Variants in MYO10 observed in about 807,000 individuals in gnomAD.
MYO10 encodes the protein unconventional myosin-X.
In MYO10, 133 loss-of-function variants were observed where a neutral mutation model predicts 257.3. The observed-to-expected ratio is 0.52, with a 90% CI of 0.45 to 0.60. MYO10 has a LOEUF of 0.60. Among genes scored for constraint, MYO10 ranks in the 20% least tolerant of loss-of-function variants. The pLI, the probability that MYO10 is intolerant of heterozygous loss-of-function variation, is 0.00. For synonymous variants in MYO10, 1,104 were observed against 1,028.6 expected (o/e 1.07, Z -1.40); for missense variants, 2,399 against 2,635.7 (o/e 0.91, Z 1.97).
At position 16,821,430 on chromosome 5, in the gene MYO10, TTCC is replaced by T. The variant is rs1380877866; in HGVS notation, c.121-3266_121-3264del. The stretch of plus-strand genomic sequence containing the variant: ...CCCACCTTCATACATTTGACTTCCT[TTCC>T]TCCTATTTTCTTTTTTTTTTTTTTT... On this transcript the variant is annotated intron_variant, in intron 2 of 40. Coordinates refer to ENST00000513610, the MANE Select transcript of MYO10 (RefSeq NM_012334.3). Among the ~76,000 whole-genome samples, 42 of 146,500 alleles carry T rather than the reference TTCC, an allele frequency of 2.9e-4. 1 individual carries two copies. Among genetic ancestry groups the T allele is most frequent in the African/African-American group, 1.0e-3 (41 of 39,814 alleles).
chr5:16,924,147 C>T (rs1382151696), intron 1 of MYO10, among the ~76,000 whole-genome samples: 2 of 152,182 alleles, frequency 1.3e-5, no homozygotes, highest in East Asian at 1.9e-4. Context: ...CCACTGGCTC[C>T]CCAGGCAATG....
intron 1 of MYO10, among the ~76,000 whole-genome samples, chr5:16,901,558 C>T (rs1682741015): frequency 1.3e-5 from 2 of 152,180 alleles, no homozygotes; most frequent in South Asian, 4.1e-4. Flanking sequence ...CTCACTTCCC[C>T]AAGCTTACCT....
intron 1 of MYO10, among the ~76,000 whole-genome samples, chr5:16,933,869 A>G (rs1746362481): frequency 6.6e-6 from 1 of 152,244 alleles, no homozygotes; most frequent in Non-Finnish European, 1.5e-5. Flanking sequence ...CACATACATC[A>G]CAAGATTAAA....
chr5:16,699,563 C>G lies in MYO10; in HGVS notation c.3443G>C (p.Ser1148Thr), dbSNP rs1244449516. Reference sequence around the variant, plus strand: ...AAACCTGGAATCAAAGTCCTCTTCACTATCTTCAAACTGGACCGAGAGAGA... The same window carrying G: ...AAACCTGGAATCAAAGTCCTCTTCAGTATCTTCAAACTGGACCGAGAGAGA... ...SEGAQSSFEDSEEDFDSRFDT... is the reference protein window; with the variant it reads ...SEGAQSSFEDTEEDFDSRFDT... Residue 1148 changes from serine (S) to threonine (T), a missense_variant, in exon 26 of 41, where the codon AGT (serine) becomes ACT (threonine). Ser to Thr is a moderately conservative substitution (Grantham distance 58). Around this residue, in one of 3 missense-constraint regions of MYO10, gnomAD observed 1,820 missense variants for 1,939.4 expected, o/e 0.94. Transcript: ENST00000513610. The G allele has an allele frequency of 6.2e-7, 1 of 1,613,548 alleles. No individual in the cohort carries two copies. Among genetic ancestry groups the G allele is most frequent in the East Asian group, 2.2e-5 (1 of 44,890 alleles).
intron 2 of MYO10, among the ~76,000 whole-genome samples, chr5:16,847,027 A>G (rs1743653776): frequency 1.3e-5 from 2 of 152,198 alleles, no homozygotes; most frequent in African/African-American, 4.8e-5. Context: ...TTACGGCACA[A>G]GAATCACTTG....
chr5:16,677,464 G>A (rs564938730), intron 33 of MYO10, among the ~76,000 whole-genome samples: 147 of 126,694 alleles, frequency 1.2e-3, no homozygotes, highest in Non-Finnish European at 1.9e-3. Flanking sequence ...CGCCCAGGCC[G>A]GAGTGCAGTG....
At chr5:16,783,612 G>T in intron 4 of MYO10, 143 bp from the exon 5 acceptor site, 1 of 944,750 alleles carries the variant, frequency 1.1e-6, no homozygotes, top group Non-Finnish European at 1.6e-6. Context: ...TTTCCAAAGA[G>T]CTGAGTTAAA....
rs367778374 is a variant in MYO10 at position 16,859,897 on chromosome 5, C to G, written c.120+17712G>C. ...CCCAGGGCCGTGCCCTTCCTTCAGG[C>G]CCCAATTCTCTCTCTCTCAAGATAG... is the stretch of plus-strand genomic sequence containing the variant. On this transcript the variant is annotated intron_variant, in intron 2 of 40. Coordinates refer to ENST00000513610, the MANE Select transcript of MYO10 (RefSeq NM_012334.3). Among the ~76,000 whole-genome samples the G allele has an allele frequency of 1.9e-3, 287 of 152,260 alleles. 4 individuals are homozygous for G. The highest frequency in any genetic ancestry group is 0.01 in the Middle Eastern group (3 of 294).
rs781688729 is a variant in MYO10, at chr5:16,877,792, T to C, written c.22-85A>G. 5.2e-6 allele frequency: 5 copies of C among 954,672 alleles called. No homozygotes were observed. In the Admixed American group the frequency reaches 7.4e-5, roughly 14 times the overall value. 59.1% of individuals were successfully genotyped at this position (954,672 alleles called of 1,614,324 possible). On this transcript the variant is annotated intron_variant, in intron 1 of 40. Transcript: ENST00000513610. ...ACTGTCGAAATTACCCTAACTCCTA[T>C]ATTCCTTTAAAAAAAATCTTCTTGA...
At chr5:16,913,551 G>A (rs1202420866) in intron 1 of MYO10, among the ~76,000 whole-genome samples, 1 of 152,198 alleles carries the variant, frequency 6.6e-6, no homozygotes, top group African/African-American at 2.4e-5. Flanking sequence ...TGCCACTGTG[G>A]AGGTGGCCAG....
intron 1 of MYO10, among the ~76,000 whole-genome samples, chr5:16,906,806 T>C (rs1473950513): frequency 6.6e-6 from 1 of 152,088 alleles, no homozygotes; most frequent in African/African-American, 2.4e-5. Context: ...CCTTGGCTGA[T>C]GTGGAGAAGA....
intron 25 of MYO10, among the ~76,000 whole-genome samples, chr5:16,700,693 C>A (rs1738005794): frequency 6.6e-6 from 1 of 152,016 alleles, no homozygotes; most frequent in Non-Finnish European, 1.5e-5. Flanking sequence ...ACAACAACAA[C>A]AATAAATAAA....
chr5:16,882,655 G>C (rs1744787593), intron 1 of MYO10, among the ~76,000 whole-genome samples: 3 of 152,008 alleles, frequency 2.0e-5, no homozygotes, highest in African/African-American at 7.3e-5. Flanking sequence ...GATACAAAAG[G>C]CTACATATTG....
At chr5:16,812,386 G>C (rs187317427) in intron 3 of MYO10, among the ~76,000 whole-genome samples, 2 of 152,162 alleles carry the variant, frequency 1.3e-5, no homozygotes, top group South Asian at 4.1e-4. Flanking sequence ...CATCAAACTC[G>C]GTACGGCCTC....
In MYO10 at chr5:16,666,804, G is replaced by C. The variant is rs756108388; in HGVS notation, c.6076-11C>G. On this transcript the variant is annotated splice_polypyrimidine_tract_variant and intron_variant, in intron 40 of 40. Coordinates refer to ENST00000513610, the MANE Select transcript of MYO10 (RefSeq NM_012334.3). ...GGCCACATCCACCACCTGCCCAGGGGGAAGCAGAACCGACACAGCGTCACA... is the reference window on the plus strand; with the variant it reads ...GGCCACATCCACCACCTGCCCAGGGCGAAGCAGAACCGACACAGCGTCACA... 9 of 1,587,506 alleles carry C rather than the reference G, an allele frequency of 5.7e-6. No individual in the cohort carries two copies. The South Asian group carries it at 1.0e-4, about 18-fold the overall frequency.
rs73755174 is a variant in MYO10, at chr5:16,737,940, C to T, written c.1929+16888G>A. Among the ~76,000 whole-genome samples, 420 of 152,168 alleles carry T rather than the reference C, an allele frequency of 2.8e-3. 5 individuals carry two copies. Among genetic ancestry groups the T allele is most frequent in the African/African-American group, 9.8e-3 (406 of 41,498 alleles). ...AATCATCTGTTTGAGATAGCTGACG[C>T]GGAAGGAAAAGGATGTGAAGTTTAA... On this transcript the variant is annotated intron_variant, in intron 19 of 40. Transcript: ENST00000513610.
chr5:16,789,239 AAC>A (rs1460785587), intron 4 of MYO10, among the ~76,000 whole-genome samples: 1 of 152,250 alleles, frequency 6.6e-6, no homozygotes, highest in East Asian at 1.9e-4. Context: ...GATTAGTTGC[AAC>A]AGAGGTGCTT....
At chr5:16,932,526 G>A (rs548833302) in intron 1 of MYO10, among the ~76,000 whole-genome samples, 2 of 152,160 alleles carry the variant, frequency 1.3e-5, no homozygotes, top group Middle Eastern at 3.4e-3. Flanking sequence ...TCTGGCTGAA[G>A]TAAACTTAAC....
intron 1 of MYO10, among the ~76,000 whole-genome samples, chr5:16,887,928 C>T (rs1314805579): frequency 6.6e-6 from 1 of 152,196 alleles, no homozygotes; most frequent in Non-Finnish European, 1.5e-5. Context: ...AATGAGACAT[C>T]TCCAAATTGC....
Sources: gnomAD v4.1 joint callset for allele counts (sites outside exome capture counted in the v4.1 genomes callset) on GRCh38, gnomAD v4.1.1 for gene constraint, gnomAD v4.1.1 regional missense constraint, MANE v1.5 for transcripts, NCBI Gene and HGNC (gene_info 2026-07-23, HGNC 2026-07-21) for gene names.